FLACC1: variants seen among roughly 807,000 people sequenced by gnomAD.
FLACC1 encodes the protein flagellum associated containing coiled-coil domains 1, also known as flagellum-associated coiled-coil domain-containing protein 1.
FLACC1 carries 66 observed loss-of-function variants against 62.8 expected under a neutral mutation model. The ratio of observed to expected loss-of-function variants is 1.05; its 90% confidence interval spans 0.86 to 1.29. The LOEUF is 1.29. Among genes scored for constraint, FLACC1 ranks in the 50% most tolerant of loss-of-function variants. FLACC1 has a pLI of 0.00. For missense variants in FLACC1, 452 were observed against 489.1 expected (o/e 0.92, Z 0.71); for synonymous variants, 156 against 161.0 (o/e 0.97, Z 0.24).
chr2:201,326,272 T>C lies in FLACC1; in HGVS notation c.675+4198A>G, dbSNP rs1190171288. ...ACCGGAACAAGACAAGATGGCCACC[T>C]TCACTTTCACCACTCTCATTCAACA... On this transcript the variant is annotated intron_variant, in intron 9 of 14. Coordinates refer to ENST00000392257, the MANE Select transcript of FLACC1 (RefSeq NM_001127391.3). This position sits in a 1 kb window ranked among gnomAD's most constrained non-coding sequence, Gnocchi z 4.1. 1.3e-5 allele frequency among the ~76,000 whole-genome samples: 2 copies of C among 152,154 alleles called. No homozygotes were observed. Among genetic ancestry groups the C allele is most frequent in the Non-Finnish European group, 2.9e-5 (2 of 68,002 alleles).
Sources: gnomAD v4.1 joint callset for allele counts (sites outside exome capture counted in the v4.1 genomes callset) on GRCh38, gnomAD v4.1.1 for gene constraint, Gnocchi (gnomAD v3.1) non-coding constraint, MANE v1.5 for transcripts, NCBI Gene and HGNC (gene_info 2026-07-23, HGNC 2026-07-21) for gene names.